Variants in CSMD3 observed in about 807,000 individuals in gnomAD.
The protein encoded by CSMD3 is CUB and sushi domain-containing protein 3.
Under a neutral mutation model 435.2 loss-of-function variants are expected in CSMD3, and 177 were observed. The ratio of observed to expected loss-of-function variants is 0.41; its 90% CI spans 0.36 to 0.46. The LOEUF (loss-of-function observed/expected upper bound fraction) is 0.46, where lower values mean the gene tolerates loss of function less well. CSMD3 is among the 20% of genes least tolerant of loss of function. The pLI is 0.34. For missense variants in CSMD3, 4,265 were observed against 4,504.6 expected (o/e 0.95, Z 1.52); for synonymous variants, 1,656 against 1,520.5 (o/e 1.09, Z -2.07).
intron 38 of CSMD3, among the ~76,000 whole-genome samples, 188 bp from the exon 39 acceptor site, chr8:112,352,722 A>T (rs966502904): frequency 6.6e-4 from 101 of 152,200 alleles, no homozygotes; most frequent in African/African-American, 2.4e-3. Context: ...GAACATCATT[A>T]TAAAGCTATA....
chr8:112,580,403 G>C (rs945969359), intron 23 of CSMD3, among the ~76,000 whole-genome samples: 3 of 151,944 alleles, frequency 2.0e-5, no homozygotes, highest in African/African-American at 7.2e-5. Flanking sequence ...AGGTTTCTTA[G>C]ACAGGACCTT....
intron 2 of CSMD3, among the ~76,000 whole-genome samples, chr8:113,302,306 A>ATAATAATATAATATAATATTATAT (rs2093778380): frequency 1.5e-5 from 2 of 134,220 alleles, no homozygotes; most frequent in Admixed American, 8.0e-5. Context: ...TATAATATAT[A>ATAATAATATAATATAATATTATAT]TATTATATAT....
intron 10 of CSMD3, among the ~76,000 whole-genome samples, chr8:112,913,138 A>G (rs2130554006): frequency 6.6e-6 from 1 of 151,944 alleles, no homozygotes; most frequent in East Asian, 2.0e-4. Context: ...TTCCTTAACA[A>G]TCCCTAGTAC....
intron 13 of CSMD3, among the ~76,000 whole-genome samples, chr8:112,723,328 T>G (rs2076900115): frequency 6.6e-6 from 1 of 152,128 alleles, no homozygotes; most frequent in African/African-American, 2.4e-5. Flanking sequence ...TCACTGTGCC[T>G]CCAATGGGTC....
At chr8:113,235,067 T>C (rs1212233206) in intron 3 of CSMD3, among the ~76,000 whole-genome samples, 2 of 152,094 alleles carry the variant, frequency 1.3e-5, no homozygotes, top group Non-Finnish European at 1.5e-5. Flanking sequence ...GCTGGGGACA[T>C]TTCCTGCTGT....
At chr8:112,576,915 T>C (rs1379665306) in intron 23 of CSMD3, among the ~76,000 whole-genome samples, 3 of 151,792 alleles carry the variant, frequency 2.0e-5, no homozygotes, top group Admixed American at 2.0e-4. Flanking sequence ...AAGGGCATGA[T>C]AAAAGAGCTA....
intron 3 of CSMD3, among the ~76,000 whole-genome samples, chr8:113,276,464 A>G (rs1043196438): frequency 2.6e-5 from 4 of 152,074 alleles, no homozygotes; most frequent in Non-Finnish European, 4.4e-5. Context: ...TGAAGAGGAG[A>G]GAAAGCCTTA....
At chr8:112,683,071 G>C (rs1416905964) in intron 15 of CSMD3, among the ~76,000 whole-genome samples, 1 of 151,530 alleles carries the variant, frequency 6.6e-6, no homozygotes. Flanking sequence ...TAGAGAGAGT[G>C]AGTCTCATCT....
At chr8:112,895,311 T>C (rs974879105) in intron 10 of CSMD3, among the ~76,000 whole-genome samples, 3 of 151,462 alleles carry the variant, frequency 2.0e-5, no homozygotes, top group African/African-American at 7.3e-5. Context: ...AATAGGTAGA[T>C]ATTTCAGCAA....
intron 13 of CSMD3, among the ~76,000 whole-genome samples, chr8:112,797,885 T>G (rs1464580549): frequency 6.6e-6 from 1 of 151,890 alleles, no homozygotes; most frequent in Non-Finnish European, 1.5e-5. Context: ...TTTTGCTTAG[T>G]ATTACCTAAT....
intron 3 of CSMD3, among the ~76,000 whole-genome samples, chr8:113,195,791 T>TTTTATATATA (rs774744591): frequency 1.6e-5 from 2 of 126,044 alleles, no homozygotes; most frequent in East Asian, 2.3e-4. Context: ...ATCCTATATT[T>TTTTATATATA]TATATATATA....
chr8:112,423,016 TA>T (rs1563928248), intron 32 of CSMD3, among the ~76,000 whole-genome samples: 1 of 152,142 alleles, frequency 6.6e-6, no homozygotes, highest in East Asian at 1.9e-4. Flanking sequence ...GAATGGAACA[TA>T]AAGGAGTTAT....
intron 31 of CSMD3, among the ~76,000 whole-genome samples, chr8:112,473,250 C>T (rs990351439): frequency 1.3e-5 from 2 of 152,090 alleles, no homozygotes; most frequent in Non-Finnish European, 2.9e-5. Context: ...TTGGCTACCT[C>T]AGGCCCAATG....
intron 8 of CSMD3, among the ~76,000 whole-genome samples, chr8:112,951,994 A>C (rs1185061089): frequency 1.3e-5 from 2 of 151,754 alleles, no homozygotes; most frequent in Non-Finnish European, 3.0e-5. Context: ...CTACTAAAGA[A>C]TTTGGAAAGA....
chr8:113,139,470 A>C (rs1449747142), intron 4 of CSMD3, among the ~76,000 whole-genome samples: 1 of 150,900 alleles, frequency 6.6e-6, no homozygotes, highest in Non-Finnish European at 1.5e-5. Flanking sequence ...TGACGGCACC[A>C]TTTTACATGT....
intron 5 of CSMD3, among the ~76,000 whole-genome samples, chr8:113,025,073 G>C (rs1261457135): frequency 4.0e-5 from 6 of 151,702 alleles, no homozygotes; most frequent in Admixed American, 3.9e-4. Flanking sequence ...TTTTTTTAAG[G>C]CTGAAATGTC....
chr8:113,384,226 A>G (rs1037898461), intron 1 of CSMD3, among the ~76,000 whole-genome samples: 4 of 152,140 alleles, frequency 2.6e-5, no homozygotes, highest in East Asian at 1.9e-4. Context: ...TCAAGAAAAT[A>G]TCTTGTTTAT....
intron 2 of CSMD3, among the ~76,000 whole-genome samples, chr8:113,282,016 A>C (rs1377586606): frequency 6.6e-6 from 1 of 151,970 alleles, no homozygotes; most frequent in African/African-American, 2.4e-5. Context: ...AATTCCTTCT[A>C]GCTTGTAGGG....
intron 3 of CSMD3, among the ~76,000 whole-genome samples, chr8:113,178,648 T>C (rs1024408735): frequency 1.3e-5 from 2 of 151,910 alleles, no homozygotes; most frequent in Admixed American, 6.6e-5. Context: ...AGAAAGGCTT[T>C]AATTGTGATC....
Sources: allele counts gnomAD v4.1 joint callset (sites outside exome capture counted in the v4.1 genomes callset), GRCh38; gene constraint gnomAD v4.1.1; transcripts MANE v1.5; gene names NCBI Gene and HGNC (gene_info 2026-07-23, HGNC 2026-07-21).